SAMD3: variants seen among roughly 807,000 people sequenced by gnomAD.
SAMD3 encodes sterile alpha motif domain containing 3.
SAMD3 carries 63 observed loss-of-function variants against 58.5 expected under a neutral mutation model. The ratio of observed to expected loss-of-function variants is 1.08; its 90% CI spans 0.88 to 1.33. The LOEUF is 1.33. Among genes scored for constraint, SAMD3 ranks in the 40% most tolerant of loss-of-function variants. SAMD3 has a pLI of 0.00. For missense variants in SAMD3, 604 were observed against 608.4 expected (o/e 0.99, Z 0.08); for synonymous variants, 220 against 210.3 (o/e 1.05, Z -0.40).
chr6:130,146,048 T>C lies in SAMD3; in HGVS notation c.1157A>G (p.Glu386Gly). ...VDNPINIVLQEKMKHYTDEDM... is the reference protein window; with the variant it reads ...VDNPINIVLQGKMKHYTDEDM... The stretch of plus-strand genomic sequence containing the variant: ...TTCATCTGTGTAATGTTTCATTTTT[T>C]CTTGCAATACAATATTGATTGGATT... Residue 386 changes from glutamate to glycine, a missense_variant, in exon 10 of 12, where the codon GAA (glutamate) becomes GGA (glycine). Coordinates refer to ENST00000439090, the MANE Select transcript of SAMD3 (RefSeq NM_001017373.4). 6.4e-7 allele frequency: 1 copy of C among 1,574,478 alleles called. No homozygotes were observed. The highest frequency in any genetic ancestry group is 1.2e-5 in the South Asian group (1 of 82,436).
At chr6:130,319,860 T>C (rs753616787) in intron 1 of SAMD3, among the ~76,000 whole-genome samples, 4 of 151,658 alleles carry the variant, frequency 2.6e-5, no homozygotes, top group Non-Finnish European at 5.9e-5. Flanking sequence ...GCAAAACAAA[T>C]AAACAAAAAA....
chr6:130,178,629 G>A (rs2114680096), intron 7 of SAMD3, among the ~76,000 whole-genome samples: 1 of 152,292 alleles, frequency 6.6e-6, no homozygotes, highest in Non-Finnish European at 1.5e-5. Context: ...CCTAAGTTGG[G>A]AAGACTGCAG....
chr6:130,180,880 A>G (rs1371767058), intron 7 of SAMD3, among the ~76,000 whole-genome samples: 3 of 151,984 alleles, frequency 2.0e-5, no homozygotes, highest in Non-Finnish European at 4.4e-5. Flanking sequence ...GAGTATATGC[A>G]TATCAATGTA....
At chr6:130,282,397 G>A (rs935495778) in intron 2 of SAMD3, among the ~76,000 whole-genome samples, 8 of 152,120 alleles carry the variant, frequency 5.3e-5, no homozygotes, top group African/African-American at 1.9e-4. Flanking sequence ...ATGCATAGTT[G>A]ATCATACAAG....
intron 1 of SAMD3, among the ~76,000 whole-genome samples, chr6:130,344,402 G>T (rs1274599585): frequency 3.3e-5 from 5 of 151,954 alleles, no homozygotes; most frequent in South Asian, 2.1e-4. Context: ...TTTTACGGGG[G>T]ACAGAGTCTC....
At chr6:130,274,318 C>T (rs760702898) in intron 2 of SAMD3, among the ~76,000 whole-genome samples, 1 of 152,058 alleles carries the variant, frequency 6.6e-6, no homozygotes, top group Non-Finnish European at 1.5e-5. Flanking sequence ...CAGTTCTCTC[C>T]CTTTTCTTGC....
intron 5 of SAMD3, among the ~76,000 whole-genome samples, chr6:130,201,857 C>T (rs191616286): frequency 6.6e-6 from 1 of 152,208 alleles, no homozygotes; most frequent in Non-Finnish European, 1.5e-5. Flanking sequence ...GCCTTCGCCA[C>T]GCTTACTTCC....
At chr6:130,355,580 G>A (rs1583149985) in intron 1 of SAMD3, among the ~76,000 whole-genome samples, 2 of 152,176 alleles carry the variant, frequency 1.3e-5, no homozygotes, top group African/African-American at 4.8e-5. Context: ...CTTCTCTAAT[G>A]GAGGAAGGTT....
chr6:130,169,688 G>GA lies in SAMD3; in HGVS notation c.822+6152dup, dbSNP rs547274893. Among the ~76,000 whole-genome samples the GA allele has an allele frequency of 1.4e-3, 215 of 152,246 alleles. 3 individuals are homozygous for GA. The highest frequency in any genetic ancestry group is 5.0e-3 in the African/African-American group (207 of 41,556). On this transcript the variant is annotated intron_variant, in intron 8 of 11. Transcript: ENST00000439090. ...CAAGCATGTCTTGGGGGCTAGAAAG[G>GA]AAAAACCACGAAGAGTGTAGTTCCA...
chr6:130,236,545 G>A (rs11752430), intron 2 of SAMD3, among the ~76,000 whole-genome samples: 15,448 of 152,010 alleles, frequency 0.1, 1,022 homozygotes, highest in Admixed American at 0.15. Context: ...CACCGCACCC[G>A]GCTAATTTTT....
At chr6:130,286,387 T>G (rs1036123659) in intron 2 of SAMD3, 2 of 152,262 alleles carry the variant, frequency 1.3e-5, no homozygotes, top group Non-Finnish European at 2.9e-5. Context: ...AATGACAGAC[T>G]GGAGACATGG....
At chr6:130,240,051 A>G (rs1773301603) in intron 2 of SAMD3, among the ~76,000 whole-genome samples, 1 of 152,234 alleles carries the variant, frequency 6.6e-6, no homozygotes, top group Non-Finnish European at 1.5e-5. Context: ...CACCAGAAGA[A>G]TTGGGTCCCT....
chr6:130,215,441 A>G, intron 2 of SAMD3, 147 bp from the exon 3 acceptor site: 1 of 1,267,990 alleles, frequency 7.9e-7, no homozygotes, highest in Non-Finnish European at 1.0e-6. Context: ...TACAATGTAC[A>G]TTTAAAAATT....
chr6:130,215,337 G>A, intron 2 of SAMD3, 43 bp from the exon 3 acceptor site: 2 of 1,333,874 alleles, frequency 1.5e-6, no homozygotes, highest in Non-Finnish European at 1.0e-6. Flanking sequence ...TTTTCTTTCT[G>A]ATTGTGCCTT....
intron 2 of SAMD3, among the ~76,000 whole-genome samples, chr6:130,250,441 C>T (rs2114908438): frequency 6.6e-6 from 1 of 152,270 alleles, no homozygotes; most frequent in Admixed American, 6.5e-5. Flanking sequence ...ATAGATTTCA[C>T]ATAACATGAA....
At chr6:130,181,997 G>A (rs371236004) in intron 7 of SAMD3, among the ~76,000 whole-genome samples, 10 of 151,598 alleles carry the variant, frequency 6.6e-5, no homozygotes, top group South Asian at 6.3e-4. Context: ...CCCATGAGGC[G>A]GAGCTTGCAG....
chr6:130,350,601 C>A (rs1281097646), intron 1 of SAMD3, among the ~76,000 whole-genome samples: 1 of 152,114 alleles, frequency 6.6e-6, no homozygotes, highest in Non-Finnish European at 1.5e-5. Flanking sequence ...GAACATTCCA[C>A]GCTCATGGGT....
In SAMD3 at chr6:130,244,450, G is replaced by A. The variant is rs149271378; in HGVS notation, c.-187-21637C>T. 2.8e-3 allele frequency among the ~76,000 whole-genome samples: 428 copies of A among 152,160 alleles called. 1 individual carries two copies. The highest frequency in any genetic ancestry group is 9.6e-3 in the African/African-American group (398 of 41,550). On this transcript the variant is annotated intron_variant, in intron 2 of 13. Coordinates refer to the SAMD3 transcript ENST00000368134. ...TTAGTTTGTTCACCTACAAAATAGCGCAGTAGGGCTGGGCATGGTGGCCCA... is the reference window on the plus strand; with the variant it reads ...TTAGTTTGTTCACCTACAAAATAGCACAGTAGGGCTGGGCATGGTGGCCCA...
rs370450098 is a variant in SAMD3 at position 130,184,433 on chromosome 6, C to T, written c.569+5G>A. 184 of 1,612,728 alleles carry T rather than the reference C, an allele frequency of 1.1e-4. No homozygotes were observed. The highest frequency in any genetic ancestry group is 1.5e-4 in the Non-Finnish European group (174 of 1,179,282). ...AAGCAGCAAGCTTGTCCTGTTGTCA[C>T]TCACAGTGAGCCTTCCAGATACTTA... On this transcript the variant is annotated splice_donor_5th_base_variant and intron_variant, in intron 6 of 11. Transcript: ENST00000439090.
Sources: gnomAD v4.1 joint callset for allele counts (sites outside exome capture counted in the v4.1 genomes callset) on GRCh38, gnomAD v4.1.1 for gene constraint, MANE v1.5 for transcripts, NCBI Gene and HGNC (gene_info 2026-07-23, HGNC 2026-07-21) for gene names.